The following GALNT13 variants were observed in gnomAD, a reference collection of about 807,000 sequenced individuals.
GALNT13 encodes UDP-GalNAc:polypeptide N-acetylgalactosaminyltransferase 13.
A neutral mutation model predicts 64.2 loss-of-function variants in GALNT13; 28 were observed. That is an observed-to-expected ratio of 0.44 (90% CI 0.32 to 0.60). The LOEUF (loss-of-function observed/expected upper bound fraction) is 0.60, where lower values mean the gene tolerates loss of function less well. Among genes scored for constraint, GALNT13 ranks in the 20% least tolerant of loss-of-function variants. The probability of loss-of-function intolerance (pLI) is 0.05; values close to 1 mark genes in which losing one functional copy is unlikely to be tolerated. For synonymous variants in GALNT13, 214 were observed against 224.6 expected (o/e 0.95, Z 0.42); for missense variants, 577 against 669.8 (o/e 0.86, Z 1.53).
chr2:153,448,114 C>T, the GALNT13 span, among the ~76,000 whole-genome samples: 1 of 152,164 alleles, frequency 6.6e-6, no homozygotes, highest in African/African-American at 2.4e-5. Context: ...GTTTGTGCAT[C>T]TATGTTTGGA....
chr2:154,389,719 G>T (rs1698692769), intron 9 of GALNT13, among the ~76,000 whole-genome samples: 1 of 152,148 alleles, frequency 6.6e-6, no homozygotes, highest in South Asian at 2.1e-4. Flanking sequence ...AGGGAAGAAG[G>T]CTTTAACTGG....
At chr2:153,615,623 T>C in the GALNT13 span, among the ~76,000 whole-genome samples, 53,559 of 151,972 alleles carry the variant, frequency 0.35, 11,679 homozygotes, top group Middle Eastern at 0.53. Context: ...ATTTATCTAA[T>C]GATTAATGAT....
At chr2:153,869,791 G>A (rs1685817858), upstream of GALNT13, among the ~76,000 whole-genome samples, 1 of 151,988 alleles carries the variant, frequency 6.6e-6, no homozygotes, top group Non-Finnish European at 1.5e-5. Flanking sequence ...TGGCATTATA[G>A]TTTCTCCCAT....
At chr2:154,434,510 G>C (rs945853614) in intron 11 of GALNT13, among the ~76,000 whole-genome samples, 10 of 152,074 alleles carry the variant, frequency 6.6e-5, no homozygotes, top group African/African-American at 2.2e-4. Context: ...CCATGCGCCT[G>C]GGCCTCCCAA....
chr2:153,559,436 AT>A, the GALNT13 span, among the ~76,000 whole-genome samples: 1 of 152,122 alleles, frequency 6.6e-6, no homozygotes, highest in Admixed American at 6.6e-5. Flanking sequence ...TTATTTCCTT[AT>A]AGTATCATTT....
At chr2:153,753,811 G>A in the GALNT13 span, among the ~76,000 whole-genome samples, 1 of 152,200 alleles carries the variant, frequency 6.6e-6, no homozygotes, top group Non-Finnish European at 1.5e-5. Context: ...GTGAGGTCCT[G>A]CAGGACCTAG....
chr2:153,798,811 G>A, the GALNT13 span, among the ~76,000 whole-genome samples: 33 of 152,072 alleles, frequency 2.2e-4, no homozygotes, highest in African/African-American at 6.5e-4. Context: ...TTAATTAATC[G>A]TTATTTAGGT....
At chr2:154,242,287 A>G in intron 5 of GALNT13, 91 bp downstream of exon 5, 9 of 1,037,936 alleles carry the variant, frequency 8.7e-6, no homozygotes, top group Non-Finnish European at 1.3e-5. Flanking sequence ...GGCCAAAAAG[A>G]TAACTAGGCA....
chr2:154,108,956 T>C (rs1702779846), intron 3 of GALNT13, among the ~76,000 whole-genome samples: 1 of 152,128 alleles, frequency 6.6e-6, no homozygotes, highest in Non-Finnish European at 1.5e-5. Flanking sequence ...TATACAGAAG[T>C]TTGTAATTAT....
At chr2:154,124,360 A>G (rs72871838) in intron 3 of GALNT13, among the ~76,000 whole-genome samples, 10,930 of 152,098 alleles carry the variant, frequency 0.072, 472 homozygotes, top group Middle Eastern at 0.13. Context: ...TATATTTCCT[A>G]TTTTATATTA....
the GALNT13 span, among the ~76,000 whole-genome samples, chr2:153,839,926 A>T: frequency 6.6e-6 from 1 of 152,098 alleles, no homozygotes; most frequent in African/African-American, 2.4e-5. Context: ...GACTGTTTAT[A>T]GAGCCAGCAG....
chr2:153,090,813 G>A, the GALNT13 span, among the ~76,000 whole-genome samples: 1 of 152,132 alleles, frequency 6.6e-6, no homozygotes, highest in Admixed American at 6.5e-5. Flanking sequence ...TGGGGAATGG[G>A]GAATGGTTCT....
At chr2:154,161,509 A>G (rs1402906835) in intron 4 of GALNT13, among the ~76,000 whole-genome samples, 7 of 152,110 alleles carry the variant, frequency 4.6e-5, no homozygotes, top group Non-Finnish European at 1.0e-4. Context: ...GATGGTGTGG[A>G]CTTCAAATAA....
At chr2:153,660,611 TTATA>T in the GALNT13 span, among the ~76,000 whole-genome samples, 1 of 150,050 alleles carries the variant, frequency 6.7e-6, no homozygotes, top group Non-Finnish European at 1.5e-5. Context: ...TATATACACA[TTATA>T]TATATATACA....
chr2:153,622,888 C>T, the GALNT13 span, among the ~76,000 whole-genome samples: 28 of 151,958 alleles, frequency 1.8e-4, no homozygotes, highest in African/African-American at 6.0e-4. Context: ...GTAAATGTAA[C>T]ACATGTTGTC....
At chr2:153,862,522 T>C in the GALNT13 span, among the ~76,000 whole-genome samples, 1 of 152,156 alleles carries the variant, frequency 6.6e-6, no homozygotes, top group Non-Finnish European at 1.5e-5. Context: ...TTCAAGGCAA[T>C]AGTACTTCAA....
chr2:154,194,459 G>C (rs1055174447), intron 4 of GALNT13, among the ~76,000 whole-genome samples: 1 of 152,128 alleles, frequency 6.6e-6, no homozygotes, highest in African/African-American at 2.4e-5. Context: ...TAGACAGAAA[G>C]GGAAACCTAG....
chr2:154,446,303 A>G (rs905305422), intron 12 of GALNT13, among the ~76,000 whole-genome samples: 7 of 152,028 alleles, frequency 4.6e-5, no homozygotes, highest in Non-Finnish European at 8.8e-5. Flanking sequence ...TTTTATATCT[A>G]AAATAACCTT....
At chr2:154,189,996 T>C (rs1686484936) in intron 4 of GALNT13, among the ~76,000 whole-genome samples, 1 of 152,226 alleles carries the variant, frequency 6.6e-6, no homozygotes, top group Admixed American at 6.5e-5. Context: ...AAATGTTTTT[T>C]AAAGCTAAAA....
Sources: allele counts gnomAD v4.1 joint callset (sites outside exome capture counted in the v4.1 genomes callset), GRCh38; gene constraint gnomAD v4.1.1; transcripts MANE v1.5; gene names NCBI Gene and HGNC (gene_info 2026-07-23, HGNC 2026-07-21).